The following KCNIP4 variants were observed in gnomAD, a reference collection of about 807,000 sequenced individuals.
KCNIP4 encodes Kv channel-interacting protein 4.
A neutral mutation model predicts 34.0 loss-of-function variants in KCNIP4; 12 were observed. That is an observed-to-expected ratio of 0.35 (90% CI 0.23 to 0.57). The LOEUF is 0.57. Among genes scored for constraint, KCNIP4 ranks in the 20% least tolerant of loss-of-function variants. The probability of loss-of-function intolerance (pLI) is 0.83; values close to 1 mark genes in which losing one functional copy is unlikely to be tolerated. For missense variants in KCNIP4, 238 were observed against 311.7 expected (o/e 0.76, Z 1.78); for synonymous variants, 124 against 102.2 (o/e 1.21, Z -1.29).
At chr4:21,112,195 T>A (rs961370899) in intron 1 of KCNIP4, among the ~76,000 whole-genome samples, 4 of 152,158 alleles carry the variant, frequency 2.6e-5, no homozygotes, top group African/African-American at 9.7e-5. Flanking sequence ...GGTTAGCATG[T>A]ACTAGGAAAA....
At chr4:21,505,969 G>A (rs540142900) in intron 1 of KCNIP4, among the ~76,000 whole-genome samples, 218 of 152,184 alleles carry the variant, frequency 1.4e-3, no homozygotes, top group African/African-American at 5.1e-3. Flanking sequence ...AGGGTGTGGT[G>A]GCAGGCACCT....
intron 3 of KCNIP4, among the ~76,000 whole-genome samples, chr4:20,802,136 ATATATGC>A (rs1280962545): frequency 6.9e-6 from 1 of 145,528 alleles, no homozygotes; most frequent in African/African-American, 2.5e-5. Context: ...TATATATGCT[ATATATGC>A]TATATATATG....
At chr4:21,198,790 C>T (rs1315517211) in intron 1 of KCNIP4, among the ~76,000 whole-genome samples, 1 of 152,188 alleles carries the variant, frequency 6.6e-6, no homozygotes, top group East Asian at 1.9e-4. Context: ...GCTTCTTCTG[C>T]AGCACAGAAA....
At chr4:21,175,596 C>G (rs564077586) in intron 1 of KCNIP4, among the ~76,000 whole-genome samples, 1 of 152,250 alleles carries the variant, frequency 6.6e-6, no homozygotes, top group South Asian at 2.1e-4. Context: ...AGTATCACTA[C>G]TCTTGTGCTT....
chr4:21,859,256 G>A (rs1254782610), intron 1 of KCNIP4, among the ~76,000 whole-genome samples: 5 of 152,050 alleles, frequency 3.3e-5, no homozygotes, highest in Non-Finnish European at 5.9e-5. Context: ...CAGAATGGTC[G>A]AGAGAGACAG....
At chr4:21,444,073 A>C (rs1727739420) in intron 1 of KCNIP4, among the ~76,000 whole-genome samples, 1 of 152,206 alleles carries the variant, frequency 6.6e-6, no homozygotes, top group African/African-American at 2.4e-5. Flanking sequence ...AGACTAAACC[A>C]GGAAGAAGTT....
intron 1 of KCNIP4, among the ~76,000 whole-genome samples, chr4:21,938,207 G>A (rs930267839): frequency 3.9e-5 from 6 of 152,016 alleles, no homozygotes; most frequent in Non-Finnish European, 5.9e-5. Context: ...AGCTTTCTAC[G>A]ACTATCCCAC....
At chr4:20,782,723 C>T (rs1211358320) in intron 3 of KCNIP4, among the ~76,000 whole-genome samples, 2 of 152,162 alleles carry the variant, frequency 1.3e-5, no homozygotes, top group East Asian at 3.9e-4. Context: ...ATGGGAGAGG[C>T]TGCTGCAAAG....
chr4:21,925,257 T>C (rs1425785414), intron 1 of KCNIP4, among the ~76,000 whole-genome samples: 2 of 134,054 alleles, frequency 1.5e-5, no homozygotes, highest in East Asian at 2.8e-4. Context: ...CAACAGTCCC[T>C]GGTGTGTGAT....
intron 1 of KCNIP4, chr4:21,844,826 AT>A (rs1241563482): frequency 2.0e-5 from 3 of 152,000 alleles, no homozygotes; most frequent in African/African-American, 7.2e-5. Flanking sequence ...AACCCACTAC[AT>A]CACCTCCCAA....
intron 1 of KCNIP4, among the ~76,000 whole-genome samples, chr4:21,155,605 A>C (rs1753085898): frequency 6.6e-6 from 1 of 152,190 alleles, no homozygotes; most frequent in Admixed American, 6.5e-5. Context: ...TGAGGGCATA[A>C]GAAAGCCATC....
At chr4:21,568,141 G>A (rs950574686) in intron 1 of KCNIP4, among the ~76,000 whole-genome samples, 1 of 152,118 alleles carries the variant, frequency 6.6e-6, no homozygotes, top group African/African-American at 2.4e-5. Context: ...TAATATGGTA[G>A]ACTTGTGTGA....
rs148178797 is a variant in KCNIP4 at position 21,734,252 on chromosome 4, C to T, written c.61+214319G>A. Among the ~76,000 whole-genome samples the T allele has an allele frequency of 3.0e-3, 459 of 152,082 alleles. 2 individuals carry two copies. Among genetic ancestry groups the T allele is most frequent in the African/African-American group, 0.01 (430 of 41,504 alleles). On this transcript the variant is annotated intron_variant, in intron 1 of 8. Coordinates refer to ENST00000382152, the MANE Select transcript of KCNIP4 (RefSeq NM_025221.6). The stretch of plus-strand genomic sequence containing the variant: ...TGTCACTTGGTGCACTCTTATTCTT[C>T]GGTGGAACAGTCTGTTGTCCTTGAA...
intron 1 of KCNIP4, among the ~76,000 whole-genome samples, chr4:21,533,264 T>G (rs1341788713): frequency 6.6e-6 from 1 of 152,152 alleles, no homozygotes; most frequent in Non-Finnish European, 1.5e-5. Flanking sequence ...AAATAAATTT[T>G]ATTGTATGTA....
chr4:20,921,622 C>T (rs1729394946), intron 1 of KCNIP4, among the ~76,000 whole-genome samples: 1 of 152,100 alleles, frequency 6.6e-6, no homozygotes, highest in African/African-American at 2.4e-5. Context: ...GCTGTGGATG[C>T]TTAATATCCA....
At chr4:20,863,474 G>T (rs765271134) in intron 2 of KCNIP4, among the ~76,000 whole-genome samples, 1 of 152,190 alleles carries the variant, frequency 6.6e-6, no homozygotes, top group South Asian at 2.1e-4. Flanking sequence ...CTTGCAGCCA[G>T]AGGCTGCCTG....
chr4:21,312,663 A>G (rs545043584), intron 1 of KCNIP4, among the ~76,000 whole-genome samples: 4 of 152,324 alleles, frequency 2.6e-5, no homozygotes, highest in Non-Finnish European at 4.4e-5. Flanking sequence ...ACAAGTTTCT[A>G]TTCCATATTT....
intron 1 of KCNIP4, among the ~76,000 whole-genome samples, chr4:21,187,351 T>C (rs1443131865): frequency 2.0e-5 from 3 of 152,166 alleles, no homozygotes; most frequent in African/African-American, 7.2e-5. Flanking sequence ...AAATTTCTAA[T>C]GGTAACAAAT....
intron 2 of KCNIP4, among the ~76,000 whole-genome samples, chr4:20,860,069 A>C (rs1468281422): frequency 6.6e-6 from 1 of 152,152 alleles, no homozygotes; most frequent in Non-Finnish European, 1.5e-5. Flanking sequence ...ATGTGAAATA[A>C]ATAACTACTT....
Sources: allele counts gnomAD v4.1 joint callset (sites outside exome capture counted in the v4.1 genomes callset), GRCh38; gene constraint gnomAD v4.1.1; transcripts MANE v1.5; gene names NCBI Gene and HGNC (gene_info 2026-07-23, HGNC 2026-07-21).